The following ANK3 variants were observed in gnomAD, a reference collection of about 807,000 sequenced individuals.
ANK3 encodes ankyrin-3.
ANK3 carries 57 observed loss-of-function variants against 370.9 expected under a neutral mutation model. The ratio of observed to expected loss-of-function variants is 0.15; its 90% CI spans 0.12 to 0.19. ANK3 has a LOEUF of 0.19. Ranked by LOEUF, ANK3 falls within the 10% of genes least tolerant of loss-of-function variation. The pLI, the probability that ANK3 is intolerant of heterozygous loss-of-function variation, is 1.00. For missense variants in ANK3, 4,439 were observed against 5,302.1 expected (o/e 0.84, Z 5.06); for synonymous variants, 1,929 against 1,946.3 (o/e 0.99, Z 0.23).
At chr10:60,243,885 G>C (rs2097513699) in intron 7 of ANK3, among the ~76,000 whole-genome samples, 1 of 152,180 alleles carries the variant, frequency 6.6e-6, no homozygotes, top group South Asian at 2.1e-4. Context: ...CTCAGAACAG[G>C]CTGTGTCTGT....
At chr10:60,181,809 CA>C (rs951563394) in intron 17 of ANK3, among the ~76,000 whole-genome samples, 23 of 141,264 alleles carry the variant, frequency 1.6e-4, no homozygotes, top group East Asian at 1.2e-3. Flanking sequence ...AAACCTGTCT[CA>C]AAAAAAAAAA....
chr10:60,164,177 A>T (rs895379035), intron 23 of ANK3, among the ~76,000 whole-genome samples: 8 of 152,238 alleles, frequency 5.3e-5, no homozygotes, highest in Non-Finnish European at 1.2e-4. Flanking sequence ...AGCAGAGGAC[A>T]ACATAAATAC....
At chr10:60,298,205 T>C (rs2042950269) in intron 1 of ANK3, among the ~76,000 whole-genome samples, 3 of 152,200 alleles carry the variant, frequency 2.0e-5, no homozygotes, top group Admixed American at 2.0e-4. Flanking sequence ...ATGAGCATTA[T>C]TGAAGAGTTA....
chr10:60,157,886 A>AAGAGAGAGAGGG, intron 23 of ANK3, among the ~76,000 whole-genome samples: 1 of 132,864 alleles, frequency 7.5e-6, no homozygotes, highest in East Asian at 2.4e-4. Flanking sequence ...GAGAGAGAAA[A>AAGAGAGAGAGGG]AGAGAGAGAG....
chr10:60,411,040 G>C (rs191085542), intron 2 of ANK3, among the ~76,000 whole-genome samples: 1 of 152,074 alleles, frequency 6.6e-6, no homozygotes, highest in Non-Finnish European at 1.5e-5. Flanking sequence ...AGCTACCAAG[G>C]ATCCACTGGG....
At chr10:60,297,171 T>A (rs941379279) in intron 1 of ANK3, among the ~76,000 whole-genome samples, 3 of 152,160 alleles carry the variant, frequency 2.0e-5, no homozygotes, top group African/African-American at 7.2e-5. Context: ...CTGAAACATA[T>A]CCAGATTCTG....
Position 60,071,268 on chromosome 10 carries a change from C to T in ANK3, c.9613G>A (p.Glu3205Lys). The change falls in exon 37 of 44, where the codon GAG (glutamate) becomes AAG (lysine). Residue 3205 changes from glutamate (E) to lysine (K), a missense_variant. Coordinates refer to ENST00000280772, the MANE Select transcript of ANK3 (RefSeq NM_020987.5). The part of the protein sequence containing the change: ...GKPSPIPEVS[E>K]ESEEEEQAKS... ...GCCTGTTCCTCCTCCTCTGACTCCT[C>T]AGAAACCTCGGGAATTGGGCTGGGT... 1 of 1,614,134 alleles carries T rather than the reference C, an allele frequency of 6.2e-7. No homozygotes were observed. Among genetic ancestry groups the T allele is most frequent in the Non-Finnish European group, 8.5e-7 (1 of 1,180,014 alleles).
chr10:60,428,767 G>A (rs886712026), intron 2 of ANK3, among the ~76,000 whole-genome samples: 19 of 152,246 alleles, frequency 1.2e-4, no homozygotes, highest in African/African-American at 3.6e-4. Context: ...GACATAGAAC[G>A]AACTCTGACC....
rs77900461 is a variant in ANK3 at position 60,191,768 on chromosome 10, T to C, written c.1887+4377A>G. 1.8e-3 allele frequency among the ~76,000 whole-genome samples: 268 copies of C among 152,264 alleles called. 7 individuals carry two copies. The East Asian group carries it at 0.048, about 27-fold the overall frequency. On this transcript the variant is annotated intron_variant, in intron 16 of 43. Coordinates refer to ENST00000280772, the MANE Select transcript of ANK3 (RefSeq NM_020987.5). Reference sequence around the variant, plus strand: ...GTATTTCCCAAAGGAAATAAATCATTATATCAAAAAAGATACTTGCACTCG... The same window carrying C: ...GTATTTCCCAAAGGAAATAAATCATCATATCAAAAAAGATACTTGCACTCG...
Position 60,074,886 on chromosome 10 carries a change from C to G in ANK3, c.5995G>C (p.Glu1999Gln). Reference protein sequence around the residue: ...WIEFSSEEIREARQQAAASQS... With the variant: ...WIEFSSEEIRQARQQAAASQS... ...CTCGCAGCAGCTTGTTGTCTGGCTT[C>G]CCGGATTTCTTCCGAACTAAATTCT... Residue 1999 changes from glutamate (E) to glutamine (Q), a missense_variant, in exon 37 of 44, where the codon GAA becomes CAA. Around this residue, in one of 13 missense-constraint regions of ANK3, gnomAD observed 679 missense variants for 791.0 expected, o/e 0.86. Transcript: ENST00000280772. 1 of 1,613,846 alleles carries G rather than the reference C, an allele frequency of 6.2e-7. No individual in the cohort carries two copies. The highest frequency in any genetic ancestry group is 8.5e-7 in the Non-Finnish European group (1 of 1,179,962).
In ANK3 at chr10:60,234,777, T is replaced by C; in HGVS notation, c.808A>G (p.Thr270Ala). 1.2e-6 allele frequency: 2 copies of C among 1,608,242 alleles called. No homozygotes were observed. The highest frequency in any genetic ancestry group is 1.7e-6 in the Non-Finnish European group (2 of 1,175,028). Residue 270 changes from threonine (T) to alanine (A), a missense_variant, in exon 8 of 44, where the codon ACT becomes GCT. Around this residue, in one of 13 missense-constraint regions of ANK3, gnomAD observed 227 missense variants for 377.6 expected, o/e 0.60. Transcript: ENST00000280772. The part of the protein sequence containing the change: ...AVDFTARNDI[T>A]PLHVASKRGN... ...CTTTTTGATGCAACATGTAAAGGAG[T>C]GATGTCATTCTGGGAAGAAGAGGAA...
At chr10:60,709,275 ATATATCTATATC>A (rs60343604) in intron 1 of ANK3, among the ~76,000 whole-genome samples, 28,116 of 143,432 alleles carry the variant, frequency 0.2, 3,167 homozygotes, top group African/African-American at 0.31. Flanking sequence ...AACCAATAGG[ATATATCTATATC>A]TATATCTATA....
intron 2 of ANK3, among the ~76,000 whole-genome samples, chr10:60,488,072 C>A (rs546566385): frequency 6.1e-4 from 93 of 152,120 alleles, no homozygotes; most frequent in African/African-American, 2.1e-3. Flanking sequence ...AGGTTGAGTG[C>A]TTTTTCTACT....
In ANK3 at chr10:60,027,556, A is replaced by C. The variant is rs965729973; in HGVS notation, c.*2290T>G. ...ACATTGCTGAAAGTCTCTTAGCACT[A>C]ATTTAATTTTATAAAAGGATCATTA... is the stretch of plus-strand genomic sequence containing the variant. On this transcript the variant is annotated 3_prime_UTR_variant, in exon 44 of 44. Coordinates refer to ENST00000280772, the MANE Select transcript of ANK3 (RefSeq NM_020987.5). 11 of 152,196 alleles carry C rather than the reference A, an allele frequency of 7.2e-5. No individual in the cohort carries two copies. The highest frequency in any genetic ancestry group is 2.4e-4 in the African/African-American group (10 of 41,458). 9.4% of individuals were successfully genotyped at this position (152,196 alleles called of 1,614,324 possible).
intron 38 of ANK3, among the ~76,000 whole-genome samples, chr10:60,066,388 G>T (rs533579906): frequency 5.6e-4 from 85 of 152,272 alleles, no homozygotes; most frequent in African/African-American, 2.0e-3. Context: ...TATATTTTCA[G>T]ATTACAATGT....
intron 2 of ANK3, among the ~76,000 whole-genome samples, chr10:60,395,954 T>A (rs189703545): frequency 1.3e-3 from 197 of 152,290 alleles, no homozygotes; most frequent in African/African-American, 4.5e-3. Context: ...CTCTTTTCGC[T>A]ACCCATGAAA....
intron 12 of ANK3, among the ~76,000 whole-genome samples, chr10:60,200,621 C>T (rs974079159): frequency 5.3e-5 from 8 of 151,864 alleles, no homozygotes; most frequent in Non-Finnish European, 1.0e-4. Flanking sequence ...CCACACCCCC[C>T]ACATCTGCAG....
intron 17 of ANK3, among the ~76,000 whole-genome samples, chr10:60,181,803 C>T (rs1027180483): frequency 6.6e-6 from 1 of 151,720 alleles, no homozygotes; most frequent in African/African-American, 2.4e-5. Flanking sequence ...TGAATGAAAC[C>T]TGTCTCAAAA....
At chr10:60,505,936 T>C (rs1273706729) in intron 2 of ANK3, among the ~76,000 whole-genome samples, 1 of 152,084 alleles carries the variant, frequency 6.6e-6, no homozygotes, top group South Asian at 2.1e-4. Flanking sequence ...GTGGGGCAGG[T>C]TCAAATTTGT....
Sources: allele counts gnomAD v4.1 joint callset (sites outside exome capture counted in the v4.1 genomes callset), GRCh38; gene constraint gnomAD v4.1.1; regional missense constraint gnomAD v4.1.1; transcripts MANE v1.5; gene names NCBI Gene and HGNC (gene_info 2026-07-23, HGNC 2026-07-21).